Variants in OGDHL observed in about 807,000 individuals in gnomAD.
The protein encoded by OGDHL is oxoglutarate dehydrogenase L, also known as 2-oxoglutarate dehydrogenase-like, mitochondrial.
Under a neutral mutation model 109.6 loss-of-function variants are expected in OGDHL, and 79 were observed. The ratio of observed to expected loss-of-function variants is 0.72; its 90% CI spans 0.60 to 0.87. The LOEUF (loss-of-function observed/expected upper bound fraction) is 0.87. OGDHL is among the 40% of genes least tolerant of loss of function. The probability of loss-of-function intolerance (pLI) is 0.00; values close to 1 mark genes in which losing one functional copy is unlikely to be tolerated. For missense variants in OGDHL, 1,275 were observed against 1,362.2 expected (o/e 0.94, Z 1.01); for synonymous variants, 528 against 537.2 (o/e 0.98, Z 0.24).
Position 49,752,575 on chromosome 10 carries a change from CGTGGGCCCCTTACTGGGCCA to C in OGDHL, c.478+43_478+62del. On this transcript the variant is annotated intron_variant, in intron 4 of 22. Transcript: ENST00000374103. Reference sequence around the variant, plus strand: ...CAAGGATCAGGCTGTCCCTAGTGCCCGTGGGCCCCTTACTGGGCCACCCACACAGCACTGCCATGGCCGTC... The same window carrying C: ...CAAGGATCAGGCTGTCCCTAGTGCCCCCCACACAGCACTGCCATGGCCGTC... The C allele has an allele frequency of 5.8e-6, 8 of 1,373,324 alleles. No homozygotes were observed. In the South Asian group the frequency reaches 9.3e-5, roughly 16 times the overall value. The allele number at this position is 1,373,324 out of a possible 1,614,324, so 85.1% of individuals were successfully genotyped here.
rs777141830 is a variant in OGDHL at position 49,749,745 on chromosome 10, T to C, written c.968A>G (p.Lys323Arg). ...ACCCACCTCGTCCGCCGCCTCCAGC[T>C]TGGGGTCAAACTGGCAGAAGATCTG... ...LEQIFCQFDP[K>R]LEAADEGSGD... Residue 323 changes from lysine to arginine, a missense_variant, in exon 8 of 23, where the codon AAG becomes AGG. Lys to Arg is a conservative substitution (Grantham distance 26). Coordinates refer to ENST00000374103, the MANE Select transcript of OGDHL (RefSeq NM_018245.3). 4 of 1,597,368 alleles carry C rather than the reference T, an allele frequency of 2.5e-6. No homozygotes were observed. In the African/African-American group the frequency reaches 4.0e-5, roughly 16 times the overall value.
chr10:49,752,013 C>G (rs768252302), intron 5 of OGDHL, 32 bp from the exon 6 acceptor site: 3 of 1,613,296 alleles, frequency 1.9e-6, no homozygotes, highest in Non-Finnish European at 2.5e-6. Flanking sequence ...CCATGAGGAG[C>G]GGGGAAGAGG....
chr10:49,753,778 T>C (rs1330579406), intron 3 of OGDHL, among the ~76,000 whole-genome samples: 2 of 151,000 alleles, frequency 1.3e-5, no homozygotes, highest in Non-Finnish European at 2.9e-5. Flanking sequence ...TAATCCCAGC[T>C]ACTTGGGAGG....
chr10:49,756,669 G>T, intron 3 of OGDHL, 107 bp downstream of exon 3: 1 of 1,137,430 alleles, frequency 8.8e-7, no homozygotes, highest in Non-Finnish European at 1.2e-6. Flanking sequence ...CAAGGAGAAG[G>T]GCTCTCTGGG....
At chr10:49,751,117 C>T in intron 6 of OGDHL, 132 bp from the exon 7 acceptor site, 3 of 847,586 alleles carry the variant, frequency 3.5e-6, no homozygotes, top group Middle Eastern at 2.7e-4. Flanking sequence ...CCTCCTTCCA[C>T]CTACATGGTC....
chr10:49,738,071 G>T lies in OGDHL; in HGVS notation c.2393C>A (p.Ala798Glu). ...MSNDDSDAYP[A>E]FTKDFEVSQL... ...GCTCACCTCGAAGTCCTTGGTGAAT[G>T]CCTGTGGGGACGAGATGCATATGGC... The change falls in exon 19 of 23, where the codon GCA becomes GAA. Residue 798 changes from alanine (A) to glutamate (E), a missense_variant and splice_region_variant. Ala to Glu is a moderately radical substitution (Grantham distance 107). Transcript: ENST00000374103. The T allele has an allele frequency of 6.2e-7, 1 of 1,614,170 alleles. No homozygotes were observed. The highest frequency in any genetic ancestry group is 8.5e-7 in the Non-Finnish European group (1 of 1,180,028).
At chr10:49,754,028 T>C (rs943835835) in intron 3 of OGDHL, among the ~76,000 whole-genome samples, 12 of 152,114 alleles carry the variant, frequency 7.9e-5, no homozygotes, top group Admixed American at 3.9e-4. Context: ...TGCCATAAGA[T>C]TGACAGGGTC....
chr10:49,751,871 G>A lies in OGDHL; in HGVS notation c.705C>T (p.Ser235=), dbSNP rs149339959. The change falls in exon 6 of 23, where the codon AGC becomes AGT. Residue 235 remains serine (S), a synonymous_variant. Transcript: ENST00000374103. The stretch of plus-strand genomic sequence containing the variant: ...GGGCCAGCAGGGTCCGCTTCTCCTC[G>A]CTGGAGAACTGCATCACACCAGGGG... ...FETPGVMQFS[S]EEKRTLLARL... is the part of the protein sequence containing the mutation. 2.6e-5 allele frequency: 42 copies of A among 1,613,990 alleles called. No homozygotes were observed. In the Admixed American group the frequency reaches 3.2e-4, roughly 12 times the overall value.
rs867810268 is a variant in OGDHL at position 49,750,870 on chromosome 10, T to A, written c.865A>T (p.Ile289Phe). The A allele has an allele frequency of 6.2e-7, 1 of 1,612,140 alleles. No homozygotes were observed. The highest frequency in any genetic ancestry group is 1.7e-5 in the Admixed American group (1 of 59,826). Residue 289 changes from isoleucine (I) to phenylalanine (F), a missense_variant, in exon 7 of 23, where the codon ATT becomes TTT. Ile to Phe is a conservative substitution (Grantham distance 21). Transcript: ENST00000374103. Reference protein sequence around the residue: ...TIIDKSSEMGIENVILGMPHR... With the variant: ...TIIDKSSEMGFENVILGMPHR... ...GGCATCCCCAAGATGACATTCTCAA[T>A]CCCCATCTCGCTGGATTTGTCGATG... is the stretch of plus-strand genomic sequence containing the variant.
intron 17 of OGDHL, chr10:49,738,900 C>G (rs926221171): frequency 1.3e-5 from 2 of 153,934 alleles, no homozygotes; most frequent in African/African-American, 2.4e-5. Context: ...CCCAGCCCCC[C>G]ACACCCAGCC....
chr10:49,738,088 G>A lies in OGDHL; in HGVS notation c.2392-16C>T, dbSNP rs2132947276. 6.2e-7 allele frequency: 1 copy of A among 1,614,140 alleles called. No individual in the cohort carries two copies. Among genetic ancestry groups the A allele is most frequent in the East Asian group, 2.2e-5 (1 of 44,864 alleles). ...TGGTGAATGCCTGTGGGGACGAGATGCATATGGCCAGGGTGGCTGTCTGCT... is the reference window on the plus strand; with the variant it reads ...TGGTGAATGCCTGTGGGGACGAGATACATATGGCCAGGGTGGCTGTCTGCT... On this transcript the variant is annotated splice_polypyrimidine_tract_variant and intron_variant, in intron 18 of 22. Coordinates refer to ENST00000374103, the MANE Select transcript of OGDHL (RefSeq NM_018245.3).
intron 6 of OGDHL, 37 bp from the exon 7 acceptor site, chr10:49,751,022 G>C (rs775597139): frequency 6.5e-7 from 1 of 1,542,142 alleles, no homozygotes; most frequent in South Asian, 1.2e-5. Flanking sequence ...AAAGGGAAAG[G>C]GATGGAGAGG....
chr10:49,742,510 CAT>C, intron 15 of OGDHL, among the ~76,000 whole-genome samples: 3 of 139,868 alleles, frequency 2.1e-5, no homozygotes, highest in African/African-American at 5.4e-5. Context: ...CCACACACCA[CAT>C]ACACACCAAA....
chr10:49,742,919 C>T lies in OGDHL; in HGVS notation c.1921G>A (p.Ala641Thr), dbSNP rs1400416879. ...DMTKNRTVDW[A>T]LAEYMAFGSL... ...CCAAAGGCCATGTACTCTGCCAACG[C>T]CCAGTCCACCGTCCGGTTCTTGGTC... Residue 641 changes from alanine (A) to threonine (T), a missense_variant, in exon 15 of 23, where the codon GCG becomes ACG. Ala to Thr is a moderately conservative substitution (Grantham distance 58). Transcript: ENST00000374103. 1 of 1,614,060 alleles carries T rather than the reference C, an allele frequency of 6.2e-7. No homozygotes were observed. Among genetic ancestry groups the T allele is most frequent in the Non-Finnish European group, 8.5e-7 (1 of 1,180,012 alleles).
At chr10:49,759,286 A>G (rs1843118656) in intron 1 of OGDHL, among the ~76,000 whole-genome samples, 1 of 151,906 alleles carries the variant, frequency 6.6e-6, no homozygotes, top group African/African-American at 2.4e-5. Context: ...AGGAAGGGCT[A>G]AGGTCTGGAG....
intron 15 of OGDHL, 40 bp downstream of exon 15, chr10:49,742,788 C>A: frequency 6.3e-7 from 1 of 1,588,948 alleles, no homozygotes; most frequent in Non-Finnish European, 8.6e-7. Context: ...AGCTTCTGCT[C>A]CAGGTCTCCT....
intron 3 of OGDHL, among the ~76,000 whole-genome samples, chr10:49,755,345 C>A (rs781131913): frequency 6.6e-5 from 10 of 152,192 alleles, no homozygotes; most frequent in Admixed American, 3.9e-4. Context: ...GGTATCATGG[C>A]ACATTTTTTA....
At chr10:49,749,657 G>A in intron 8 of OGDHL, 69 bp downstream of exon 8, 1 of 1,352,264 alleles carries the variant, frequency 7.4e-7, no homozygotes, top group Non-Finnish European at 1.0e-6. Context: ...TCCCGGCTCA[G>A]CCCCTCCACA....
chr10:49,736,219 G>A lies in OGDHL; in HGVS notation c.2755-42C>T, dbSNP rs190536134. ...AAAGGAGCATAGCCAGAGGAGGGGC[G>A]GTATGTCCCCAGCACCCCCGGACAG... On this transcript the variant is annotated intron_variant, in intron 21 of 22. Coordinates refer to ENST00000374103, the MANE Select transcript of OGDHL (RefSeq NM_018245.3). 1,034 of 1,569,736 alleles carry A rather than the reference G, an allele frequency of 6.6e-4. 2 individuals carry two copies. Among genetic ancestry groups the A allele is most frequent in the Non-Finnish European group, 8.6e-4 (1,000 of 1,156,422 alleles).
Sources: gnomAD v4.1 joint callset for allele counts (sites outside exome capture counted in the v4.1 genomes callset) on GRCh38, gnomAD v4.1.1 for gene constraint, MANE v1.5 for transcripts, NCBI Gene and HGNC (gene_info 2026-07-23, HGNC 2026-07-21) for gene names.